LCMT1: variants seen among roughly 807,000 people sequenced by gnomAD.
LCMT1 encodes leucine carboxyl methyltransferase 1, also known as [Phosphatase 2A protein]-leucine-carboxy methyltransferase 1.
A neutral mutation model predicts 47.7 loss-of-function variants in LCMT1; 32 were observed. The observed-to-expected ratio is 0.67, with a 90% confidence interval of 0.51 to 0.90. The LOEUF is 0.90. Among genes scored for constraint, LCMT1 ranks in the 40% least tolerant of loss-of-function variants. LCMT1 has a pLI of 0.00. For missense variants in LCMT1, 375 were observed against 415.2 expected (o/e 0.90, Z 0.84); for synonymous variants, 152 against 149.7 (o/e 1.02, Z -0.11).
intron 10 of LCMT1, among the ~76,000 whole-genome samples, chr16:25,176,192 C>T (rs575956217): frequency 6.6e-5 from 10 of 152,278 alleles, no homozygotes; most frequent in Non-Finnish European, 1.5e-4. Context: ...CCTGGTCCAG[C>T]TCCTTTTCAG....
At chr16:25,149,910 CAAAAAAA>C (rs34229848) in intron 4 of LCMT1, among the ~76,000 whole-genome samples, 4 of 60,200 alleles carry the variant, frequency 6.6e-5, no homozygotes, top group Non-Finnish European at 3.3e-5. Flanking sequence ...AAGACTGTCT[CAAAAAAA>C]AAAAAAAAAA....
At chr16:25,177,368 TTTTG>T (rs1434056071) in intron 10 of LCMT1, among the ~76,000 whole-genome samples, 1 of 152,130 alleles carries the variant, frequency 6.6e-6, no homozygotes, top group Non-Finnish European at 1.5e-5. Context: ...CTAAATAGTG[TTTTG>T]TTTGTTTTTA....
chr16:25,123,600 C>CTT (rs1173228613), intron 1 of LCMT1, among the ~76,000 whole-genome samples: 826 of 63,548 alleles, frequency 0.013, 3 homozygotes, highest in East Asian at 0.017. Context: ...AAATTGCTTT[C>CTT]TTTTTTTTTT....
chr16:25,158,174 T>G (rs1961316353), intron 5 of LCMT1, among the ~76,000 whole-genome samples: 1 of 152,052 alleles, frequency 6.6e-6, no homozygotes, highest in South Asian at 2.1e-4. Context: ...TGAGACAGAG[T>G]CTTGCTCTGA....
At chr16:25,152,467 G>A (rs1187784887) in intron 5 of LCMT1, among the ~76,000 whole-genome samples, 1 of 152,042 alleles carries the variant, frequency 6.6e-6, no homozygotes, top group Admixed American at 6.6e-5. Context: ...TAAACTTGGG[G>A]TTACCATGAA....
At chr16:25,126,957 G>A (rs1960210207) in intron 1 of LCMT1, among the ~76,000 whole-genome samples, 1 of 152,172 alleles carries the variant, frequency 6.6e-6, no homozygotes, top group Admixed American at 6.5e-5. Context: ...TGCAGATGTA[G>A]CTTTTACCAC....
At chr16:25,169,265 A>G (rs1353305688) in intron 8 of LCMT1, 52 bp downstream of exon 8, 2 of 1,178,256 alleles carry the variant, frequency 1.7e-6, no homozygotes, top group African/African-American at 3.0e-5. Context: ...CAACCAAGAT[A>G]TATAAAGGTC....
At chr16:25,164,269 TC>T (rs1205198338) in intron 6 of LCMT1, among the ~76,000 whole-genome samples, 1 of 152,108 alleles carries the variant, frequency 6.6e-6, no homozygotes. Flanking sequence ...TAAACACCTC[TC>T]AAATGGGGGA....
intron 5 of LCMT1, among the ~76,000 whole-genome samples, chr16:25,159,324 C>G (rs1023349881): frequency 3.3e-5 from 5 of 152,234 alleles, no homozygotes; most frequent in African/African-American, 7.2e-5. Flanking sequence ...GGCTGGAGTG[C>G]AGAGGCACGA....
chr16:25,131,890 G>T (rs1270836031), intron 2 of LCMT1, among the ~76,000 whole-genome samples: 1 of 152,152 alleles, frequency 6.6e-6, no homozygotes, highest in Non-Finnish European at 1.5e-5. Context: ...CAATTTGCTG[G>T]TCTTCTCTGC....
At chr16:25,145,286 C>T (rs1419503026) in intron 4 of LCMT1, 1 of 152,178 alleles carries the variant, frequency 6.6e-6, no homozygotes, top group Non-Finnish European at 1.5e-5. Context: ...ATATTAAAAT[C>T]TGAATCCTGC....
chr16:25,169,067 TA>T, intron 7 of LCMT1, 44 bp from the exon 8 acceptor site: 1 of 1,335,194 alleles, frequency 7.5e-7, no homozygotes, highest in South Asian at 1.2e-5. Context: ...TTTGCATATT[TA>T]GGAAACCCTT....
intron 2 of LCMT1, chr16:25,132,034 C>T (rs1960361783): frequency 3.0e-6 from 1 of 328,994 alleles, no homozygotes. Flanking sequence ...CATATGATCT[C>T]ACAATTTTCA....
chr16:25,145,006 C>CAGA (rs1960807689), intron 4 of LCMT1: 1 of 152,158 alleles, frequency 6.6e-6, no homozygotes, highest in African/African-American at 2.4e-5. Context: ...TCTTTCTTCC[C>CAGA]CCTTTTGGGT....
chr16:25,128,912 G>A (rs1036379993), intron 2 of LCMT1, among the ~76,000 whole-genome samples: 9 of 144,560 alleles, frequency 6.2e-5, no homozygotes, highest in East Asian at 2.1e-4. Flanking sequence ...TGTCAGGGGT[G>A]GGGGGCAAGG....
At chr16:25,172,100 G>T (rs975294847) in intron 9 of LCMT1, among the ~76,000 whole-genome samples, 3 of 152,130 alleles carry the variant, frequency 2.0e-5, no homozygotes, top group Non-Finnish European at 4.4e-5. Flanking sequence ...GAGGTTAGGA[G>T]TTCGATACCA....
At chr16:25,122,588 C>G (rs1211242908) in intron 1 of LCMT1, among the ~76,000 whole-genome samples, 1 of 148,854 alleles carries the variant, frequency 6.7e-6, no homozygotes, top group Non-Finnish European at 1.5e-5. Flanking sequence ...CTTGACCTCC[C>G]AAAGTGTTGG....
chr16:25,141,994 A>ATTCTACTGG (rs1373482042), intron 4 of LCMT1: 2 of 152,254 alleles, frequency 1.3e-5, no homozygotes, highest in African/African-American at 4.8e-5. Flanking sequence ...ATGAACTGTT[A>ATTCTACTGG]TTCTACTGGG....
intron 7 of LCMT1, among the ~76,000 whole-genome samples, chr16:25,165,965 C>G (rs1567327415): frequency 1.3e-5 from 2 of 152,028 alleles, no homozygotes; most frequent in Non-Finnish European, 2.9e-5. Flanking sequence ...CTCTCTGAGC[C>G]CCAGTTCTTT....
Sources: allele counts gnomAD v4.1 joint callset (sites outside exome capture counted in the v4.1 genomes callset), GRCh38; gene constraint gnomAD v4.1.1; transcripts MANE v1.5; gene names NCBI Gene and HGNC (gene_info 2026-07-23, HGNC 2026-07-21).